Variants in GTF2F2 observed in about 807,000 individuals in gnomAD.
GTF2F2 encodes general transcription factor IIF subunit 2.
A neutral mutation model predicts 42.2 loss-of-function variants in GTF2F2; 23 were observed. The ratio of observed to expected loss-of-function variants is 0.55; its 90% confidence interval spans 0.39 to 0.77. The LOEUF (loss-of-function observed/expected upper bound fraction) is 0.77, where lower values mean the gene tolerates loss of function less well. GTF2F2 is among the 30% of genes least tolerant of loss of function. The pLI is 0.00. For missense variants in GTF2F2, 261 were observed against 287.2 expected, an observed-to-expected ratio of 0.91 and a Z score of 0.66; for synonymous variants, 105 against 100.8, an observed-to-expected ratio of 1.04 and a Z score of -0.25.
intron 4 of GTF2F2, chr13:45,206,247 C>T (rs746619889): frequency 1.3e-5 from 2 of 152,056 alleles, no homozygotes; most frequent in Middle Eastern, 3.2e-3. Context: ...TACAGAGTCT[C>T]CTAGATTTTG....
At chr13:45,200,800 A>G (rs1006539141) in intron 4 of GTF2F2, among the ~76,000 whole-genome samples, 1 of 152,330 alleles carries the variant, frequency 6.6e-6, no homozygotes, top group East Asian at 1.9e-4. Context: ...GGAATATTAA[A>G]AATGGTTTGC....
At chr13:45,171,850 C>T (rs567347861) in intron 4 of GTF2F2, among the ~76,000 whole-genome samples, 22 of 150,928 alleles carry the variant, frequency 1.5e-4, no homozygotes, top group African/African-American at 5.4e-4. Flanking sequence ...TCCTAAAATA[C>T]TTGGTCTTTT....
rs980942189 is a variant in GTF2F2 at position 45,267,279 on chromosome 13, C to G, written c.533C>G (p.Ala178Gly). ...AAAGAAGACGGAAAGCGAGCTCGAG[C>G]TGATAAACAACATGTTTTAGACATG... ...KKKEDGKRAR[A>G]DKQHVLDMLF... Residue 178 changes from alanine to glycine, a missense_variant, in exon 7 of 8, where the codon GCT becomes GGT. By Grantham distance (60) the Ala-to-Gly change is moderately conservative. Transcript: ENST00000340473. 7 of 1,611,986 alleles carry G rather than the reference C, an allele frequency of 4.3e-6. No individual in the cohort carries two copies. The highest frequency in any genetic ancestry group is 1.7e-4 in the Middle Eastern group (1 of 6,008).
chr13:45,155,544 A>T (rs954847011), intron 4 of GTF2F2, among the ~76,000 whole-genome samples: 1 of 152,176 alleles, frequency 6.6e-6, no homozygotes, highest in Non-Finnish European at 1.5e-5. Context: ...CACACTGGGT[A>T]TCTTTTAGGG....
intron 4 of GTF2F2, among the ~76,000 whole-genome samples, chr13:45,176,060 C>G (rs1871864468): frequency 6.6e-6 from 1 of 152,144 alleles, no homozygotes; most frequent in African/African-American, 2.4e-5. Context: ...CATTCCATTT[C>G]TTTGTTGCAT....
At chr13:45,212,912 T>G (rs1163102969) in intron 5 of GTF2F2, among the ~76,000 whole-genome samples, 2 of 151,808 alleles carry the variant, frequency 1.3e-5, no homozygotes, top group East Asian at 3.9e-4. Context: ...TGGCTAATTT[T>G]TGTGTTTTTA....
intron 4 of GTF2F2, among the ~76,000 whole-genome samples, chr13:45,177,667 G>C (rs561750905): frequency 6.6e-6 from 1 of 152,212 alleles, no homozygotes; most frequent in Admixed American, 6.5e-5. Context: ...TGGCAATTCA[G>C]ATATGCCAAA....
At chr13:45,132,450 T>G (rs1368194380) in intron 1 of GTF2F2, among the ~76,000 whole-genome samples, 2 of 151,992 alleles carry the variant, frequency 1.3e-5, no homozygotes, top group Admixed American at 6.6e-5. Context: ...TTTTTTGGTT[T>G]GTTTTGTTTT....
chr13:45,265,894 C>T (rs1876541977), intron 6 of GTF2F2, among the ~76,000 whole-genome samples: 1 of 152,200 alleles, frequency 6.6e-6, no homozygotes, highest in Non-Finnish European at 1.5e-5. Flanking sequence ...CTGGCAGTTT[C>T]CACCCAACCT....
chr13:45,209,298 T>C (rs1178871515), intron 5 of GTF2F2, among the ~76,000 whole-genome samples: 1 of 152,236 alleles, frequency 6.6e-6, no homozygotes, highest in Non-Finnish European at 1.5e-5. Context: ...CAGTATTCAT[T>C]ACAGTAATGT....
At position 45,179,731 on chromosome 13, in the gene GTF2F2, G is replaced by A. The variant is rs560155229; in HGVS notation, c.305-27693G>A. Among the ~76,000 whole-genome samples the A allele has an allele frequency of 5.3e-5, 8 of 152,012 alleles. No homozygotes were observed. In the South Asian group the frequency reaches 1.5e-3, roughly 28 times the overall value. On this transcript the variant is annotated intron_variant, in intron 4 of 7. Coordinates refer to ENST00000340473, the MANE Select transcript of GTF2F2 (RefSeq NM_004128.3). ...GGCTTGTAATTTCTTATTATCTTGTGGTCTTTTTGATACTTTAAGATTTTA... is the reference window on the plus strand; with the variant it reads ...GGCTTGTAATTTCTTATTATCTTGTAGTCTTTTTGATACTTTAAGATTTTA...
Position 45,151,848 on chromosome 13 carries a change from T to TCA in GTF2F2, c.304+17_304+18insCA. 1 of 1,288,414 alleles carries TCA rather than the reference T, an allele frequency of 7.8e-7. No homozygotes were observed. Among genetic ancestry groups the TCA allele is most frequent in the Non-Finnish European group, 1.1e-6 (1 of 948,710 alleles). 79.8% of individuals were successfully genotyped at this position (1,288,414 alleles called of 1,614,324 possible). The stretch of plus-strand genomic sequence containing the variant: ...GCTCATCAGGTAAGTGGGAATGGAA[T>TCA]TATTTAATGTGATTCCTGTACATTT... On this transcript the variant is annotated intron_variant, in intron 4 of 7. Transcript: ENST00000340473.
At chr13:45,224,994 A>G (rs747669541) in intron 5 of GTF2F2, among the ~76,000 whole-genome samples, 8 of 152,214 alleles carry the variant, frequency 5.3e-5, no homozygotes, top group Non-Finnish European at 8.8e-5. Context: ...CTTAGTACCA[A>G]GTTGTTCTCA....
intron 4 of GTF2F2, among the ~76,000 whole-genome samples, chr13:45,204,197 C>T (rs1488913407): frequency 6.6e-6 from 1 of 151,760 alleles, no homozygotes; most frequent in African/African-American, 2.4e-5. Flanking sequence ...TGGTATATAA[C>T]GTGATGTTTT....
intron 1 of GTF2F2, among the ~76,000 whole-genome samples, chr13:45,129,973 A>G (rs958654438): frequency 1.3e-5 from 2 of 152,236 alleles, no homozygotes; most frequent in African/African-American, 4.8e-5. Flanking sequence ...TTCCGGACAG[A>G]AATAACAGCA....
chr13:45,257,195 A>G (rs915061394), intron 6 of GTF2F2, among the ~76,000 whole-genome samples: 24 of 152,224 alleles, frequency 1.6e-4, no homozygotes, highest in African/African-American at 5.3e-4. Flanking sequence ...CTTGCCATTC[A>G]GAAACCATCT....
chr13:45,267,906 A>G (rs1394231730), intron 7 of GTF2F2, among the ~76,000 whole-genome samples: 3 of 150,424 alleles, frequency 2.0e-5, no homozygotes, highest in Non-Finnish European at 2.9e-5. Flanking sequence ...GATTGTGATT[A>G]GGTTGGCCTG....
chr13:45,197,128 C>G (rs1042389507), intron 4 of GTF2F2, among the ~76,000 whole-genome samples: 1 of 151,786 alleles, frequency 6.6e-6, no homozygotes, highest in African/African-American at 2.4e-5. Context: ...ATAACTGAAG[C>G]TTTGTCTTAG....
chr13:45,220,206 T>G (rs1160017290), intron 5 of GTF2F2, among the ~76,000 whole-genome samples: 1 of 152,250 alleles, frequency 6.6e-6, no homozygotes, highest in African/African-American at 2.4e-5. Flanking sequence ...AATGACTCAT[T>G]CTTTTTTAAG....
Sources: allele counts gnomAD v4.1 joint callset (sites outside exome capture counted in the v4.1 genomes callset), GRCh38; gene constraint gnomAD v4.1.1; transcripts MANE v1.5; gene names NCBI Gene and HGNC (gene_info 2026-07-23, HGNC 2026-07-21).